Variants in EPHA3 observed in about 807,000 individuals in gnomAD.
EPHA3 encodes the protein ephrin type-A receptor 3.
A neutral mutation model predicts 107.1 loss-of-function variants in EPHA3; 42 were observed. That is an observed-to-expected ratio of 0.39 (90% CI 0.31 to 0.51). EPHA3 has a LOEUF of 0.51. Ranked by LOEUF, EPHA3 falls within the 20% of genes least tolerant of loss-of-function variation. EPHA3 has a pLI of 0.78. For missense variants in EPHA3, 1,183 were observed against 1,211.2 expected (o/e 0.98, Z 0.35); for synonymous variants, 461 against 424.8 (o/e 1.09, Z -1.05).
intron 13 of EPHA3, among the ~76,000 whole-genome samples, chr3:89,435,775 A>G (rs1709658112): frequency 6.7e-6 from 1 of 150,270 alleles, no homozygotes; most frequent in African/African-American, 2.4e-5. Flanking sequence ...CAACATGGTG[A>G]AACCCCGTGT....
At chr3:89,274,671 A>T (rs1705762148) in intron 3 of EPHA3, among the ~76,000 whole-genome samples, 1 of 152,068 alleles carries the variant, frequency 6.6e-6, no homozygotes, top group Non-Finnish European at 1.5e-5. Context: ...TAGAGCCATC[A>T]GTTTAATATA....
chr3:89,275,495 T>C (rs1705783735), intron 3 of EPHA3, among the ~76,000 whole-genome samples: 1 of 152,038 alleles, frequency 6.6e-6, no homozygotes, highest in South Asian at 2.1e-4. Context: ...CCCTCACCTA[T>C]AATAAGTGAG....
In EPHA3 at chr3:89,407,299, T is replaced by G; in HGVS notation, c.1625T>G (p.Val542Gly). ...SFSISGESSQ[V>G]VMIAISAAVA... ...TCCATCTCTGGTGAAAGTAGCCAAG[T>G]GGTCATGATCGCCATTTCAGCGGCA... Residue 542 changes from valine to glycine, a missense_variant, in exon 8 of 17, where the codon GTG becomes GGG. Transcript: ENST00000336596. 6.2e-7 allele frequency: 1 copy of G among 1,613,582 alleles called. No individual in the cohort carries two copies. The highest frequency in any genetic ancestry group is 8.5e-7 in the Non-Finnish European group (1 of 1,179,624).
chr3:89,273,172 C>T (rs1705720474), intron 3 of EPHA3, among the ~76,000 whole-genome samples: 1 of 151,846 alleles, frequency 6.6e-6, no homozygotes, highest in Non-Finnish European at 1.5e-5. Flanking sequence ...TAACTCTAGC[C>T]ATGTTCTTTT....
chr3:89,387,422 T>C (rs1265607024), intron 5 of EPHA3, among the ~76,000 whole-genome samples: 1 of 152,160 alleles, frequency 6.6e-6, no homozygotes, highest in Non-Finnish European at 1.5e-5. Flanking sequence ...AAGTGTTTGC[T>C]TCCCCTTCTA....
chr3:89,264,412 C>T (rs905408761), intron 3 of EPHA3, among the ~76,000 whole-genome samples: 1 of 152,068 alleles, frequency 6.6e-6, no homozygotes, highest in African/African-American at 2.4e-5. Context: ...CTGCAGATTC[C>T]TGGTCAGCCC....
intron 13 of EPHA3, among the ~76,000 whole-genome samples, chr3:89,441,979 T>A (rs1277457055): frequency 1.3e-5 from 2 of 152,174 alleles, no homozygotes; most frequent in Admixed American, 6.5e-5. Flanking sequence ...ATGTTTACGT[T>A]TTTGTAGCTG....
At chr3:89,306,764 G>A (rs566037103) in intron 3 of EPHA3, among the ~76,000 whole-genome samples, 5 of 152,248 alleles carry the variant, frequency 3.3e-5, no homozygotes, top group East Asian at 3.9e-4. Context: ...GGTCAGAACC[G>A]TGCTGTGGTT....
chr3:89,144,520 G>A (rs890574424), intron 2 of EPHA3, among the ~76,000 whole-genome samples: 1 of 151,526 alleles, frequency 6.6e-6, no homozygotes, highest in Non-Finnish European at 1.5e-5. Flanking sequence ...AATTATTAAT[G>A]GTAACATTAC....
intron 5 of EPHA3, among the ~76,000 whole-genome samples, chr3:89,389,662 C>A (rs1396159535): frequency 6.6e-6 from 1 of 152,154 alleles, no homozygotes; most frequent in African/African-American, 2.4e-5. Flanking sequence ...AGAATAATGG[C>A]AAATATAGAT....
intron 3 of EPHA3, among the ~76,000 whole-genome samples, chr3:89,269,968 A>G (rs1287992341): frequency 6.6e-6 from 1 of 151,874 alleles, no homozygotes; most frequent in African/African-American, 2.4e-5. Context: ...GCTTCAAATC[A>G]CTGGTCTTTC....
At chr3:89,109,009 A>G (rs1707037668) in intron 1 of EPHA3, among the ~76,000 whole-genome samples, 1 of 152,156 alleles carries the variant, frequency 6.6e-6, no homozygotes, top group South Asian at 2.1e-4. Flanking sequence ...CCTTAATTTT[A>G]AAAACACGAG....
intron 7 of EPHA3, among the ~76,000 whole-genome samples, chr3:89,406,989 T>C (rs1384574702): frequency 6.6e-6 from 1 of 152,142 alleles, no homozygotes; most frequent in Admixed American, 6.5e-5. Flanking sequence ...CAGTACAGCA[T>C]ATTTTGGACA....
At chr3:89,136,832 A>G (rs143725404) in intron 2 of EPHA3, among the ~76,000 whole-genome samples, 2,532 of 152,004 alleles carry the variant, frequency 0.017, 64 homozygotes, top group African/African-American at 0.056. Flanking sequence ...TATTTCATAT[A>G]TTTGCTATAA....
In EPHA3 at chr3:89,399,726, GTT is replaced by G. The variant is rs368368368; in HGVS notation, c.1594+257_1594+258del. 7.2e-5 allele frequency: 71 copies of G among 986,608 alleles called. No homozygotes were observed. The South Asian group carries it at 9.1e-4, about 13-fold the overall frequency. The allele number at this position is 986,608 out of a possible 1,614,324, so 61.1% of individuals were successfully genotyped here. A position where few individuals can be genotyped will look rare whatever the true frequency, so the allele number is the denominator to read the frequency against. The stretch of plus-strand genomic sequence containing the variant: ...ATATTCTAATGCCTGAAATGCTTCT[GTT>G]TTTTTTTTTTAGCCATAAATTGCTT... On this transcript the variant is annotated intron_variant, in intron 7 of 16. Transcript: ENST00000336596.
chr3:89,202,665 T>C lies in EPHA3; in HGVS notation c.154-7195T>C, dbSNP rs572507389. Among the ~76,000 whole-genome samples, 3 of 151,708 alleles carry C rather than the reference T, an allele frequency of 2.0e-5. No individual in the cohort carries two copies. The South Asian group carries it at 6.3e-4, about 32-fold the overall frequency. On this transcript the variant is annotated intron_variant, in intron 2 of 16. Transcript: ENST00000336596. ...CATGTAAAATTGAATAAAACTGCAA[T>C]TATAAGGGCGTTTTCAAAAATCACA... is the stretch of plus-strand genomic sequence containing the variant.
intron 15 of EPHA3, among the ~76,000 whole-genome samples, chr3:89,460,823 C>CTTTTTTTTTTTTTTT (rs753656853): frequency 9.2e-4 from 94 of 102,558 alleles, no homozygotes; most frequent in South Asian, 1.5e-3. Flanking sequence ...CTCTGTCTCT[C>CTTTTTTTTTTTTTTT]TTTTTTTTTT....
At chr3:89,395,257 C>A (rs1172585185) in intron 5 of EPHA3, among the ~76,000 whole-genome samples, 1 of 152,004 alleles carries the variant, frequency 6.6e-6, no homozygotes, top group Admixed American at 6.6e-5. Flanking sequence ...ATTGTTGTTC[C>A]TTTTCTTTGT....
intron 15 of EPHA3, among the ~76,000 whole-genome samples, chr3:89,453,325 G>C (rs756184963): frequency 4.6e-5 from 7 of 152,082 alleles, no homozygotes; most frequent in Non-Finnish European, 8.8e-5. Flanking sequence ...GAGAAAAGTA[G>C]TCTTACTATC....
Sources: allele counts gnomAD v4.1 joint callset (sites outside exome capture counted in the v4.1 genomes callset), GRCh38; gene constraint gnomAD v4.1.1; transcripts MANE v1.5; gene names NCBI Gene and HGNC (gene_info 2026-07-23, HGNC 2026-07-21).